The following CLCN4 variants were observed in gnomAD, a reference collection of about 807,000 sequenced individuals.
The protein encoded by CLCN4 is Cl-/H+ antiporter 4.
A neutral mutation model predicts 41.7 loss-of-function variants in CLCN4; 1 was observed. The observed-to-expected ratio is 0.02, with a 90% CI of 0.01 to 0.11. The LOEUF is 0.11. Ranked by LOEUF, CLCN4 falls within the 10% of genes least tolerant of loss-of-function variation. The pLI, the probability that CLCN4 is intolerant of heterozygous loss-of-function variation, is 1.00. For synonymous variants in CLCN4, 277 were observed against 285.8 expected (o/e 0.97, Z 0.31); for missense variants, 287 against 661.0 (o/e 0.43, Z 6.20).
At chrX:10,219,701 T>C (rs965087926) in intron 11 of CLCN4, among the ~76,000 whole-genome samples, 4 of 112,270 alleles carry the variant, frequency 3.6e-5, no homozygotes, top group African/African-American at 1.3e-4. Flanking sequence ...AGGTGAATAG[T>C]AGTCTTTGAG....
intron 12 of CLCN4, among the ~76,000 whole-genome samples, chrX:10,231,973 C>T (rs182169324): frequency 1.3e-3 from 142 of 112,096 alleles, no homozygotes; most frequent in Non-Finnish European, 2.3e-3. Context: ...ATCAAGTATT[C>T]CTCCCCATTT....
intron 2 of CLCN4, 88 bp downstream of exon 2, chrX:10,158,639 C>A (rs1240735509): frequency 3.2e-5 from 8 of 249,862 alleles, no homozygotes; most frequent in Non-Finnish European, 5.0e-5. Flanking sequence ...GGGCCTGCAG[C>A]CCGGCTGCGC....
chrX:10,195,478 A>T (rs925027026), intron 5 of CLCN4, among the ~76,000 whole-genome samples: 17 of 111,706 alleles, frequency 1.5e-4, no homozygotes, highest in Non-Finnish European at 3.8e-5. Flanking sequence ...GTTATCCTTT[A>T]AAAAAAACAG....
intron 5 of CLCN4, 104 bp from the exon 6 acceptor site, chrX:10,197,835 C>G: frequency 6.7e-6 from 7 of 1,046,628 alleles, no homozygotes; most frequent in Non-Finnish European, 9.2e-6. Context: ...CCTGCCCAAT[C>G]CCGTCAAAGC....
At chrX:10,214,218 G>A (rs1480872391) in intron 11 of CLCN4, 139 bp downstream of exon 11, 4 of 649,853 alleles carry the variant, frequency 6.2e-6, no homozygotes, top group Non-Finnish European at 8.9e-6. Flanking sequence ...GGGTCACCCA[G>A]GGGTCTGGCT....
At chrX:10,167,303 C>A (rs1017019787) in intron 2 of CLCN4, among the ~76,000 whole-genome samples, 1 of 111,654 alleles carries the variant, frequency 9.0e-6, no homozygotes, top group African/African-American at 3.3e-5. Context: ...TGAGTCCTGG[C>A]CACCTCATCA....
intron 6 of CLCN4, among the ~76,000 whole-genome samples, chrX:10,198,890 G>C (rs1052964474): frequency 8.9e-6 from 1 of 112,301 alleles, no homozygotes; most frequent in Non-Finnish European, 1.9e-5. Context: ...GATGCACACA[G>C]GCAGTGGGCT....
Position 10,158,394 on chromosome X carries a change from C to G in CLCN4, c.-169C>G, listed in dbSNP as rs112523997. On this transcript the variant is annotated 5_prime_UTR_variant, in exon 2 of 13. Transcript: ENST00000380833. ...CGGGACTTCCAGGGTCTTCCCCCCA[C>G]CCCGCGCACACCTCCCTGCCTCGCC... 260 of 296,326 alleles carry G rather than the reference C, an allele frequency of 8.8e-4. 1 individual carries two copies. Among genetic ancestry groups the G allele is most frequent in the African/African-American group, 6.2e-3 (230 of 36,830 alleles). 24.4% of individuals were successfully genotyped at this position (296,326 alleles called of 1,213,427 possible).
At chrX:10,212,263 T>C (rs1924576608) in intron 9 of CLCN4, among the ~76,000 whole-genome samples, 1 of 111,900 alleles carries the variant, frequency 8.9e-6, no homozygotes, top group South Asian at 3.8e-4. Context: ...TTGCGTCCTC[T>C]CTAAGTTGCA....
At chrX:10,167,874 A>G (rs768543003) in intron 2 of CLCN4, among the ~76,000 whole-genome samples, 6 of 112,630 alleles carry the variant, frequency 5.3e-5, no homozygotes, top group African/African-American at 1.3e-4. Context: ...AACTGAAATG[A>G]CTAGTAATGG....
At chrX:10,211,296 A>G (rs1430994007) in intron 9 of CLCN4, among the ~76,000 whole-genome samples, 1 of 108,734 alleles carries the variant, frequency 9.2e-6, no homozygotes, top group African/African-American at 3.3e-5. Context: ...AAAGAAAAAA[A>G]TTCTAAGAAG....
chrX:10,202,863 A>G (rs1924277580), intron 6 of CLCN4, among the ~76,000 whole-genome samples: 1 of 110,774 alleles, frequency 9.0e-6, no homozygotes, highest in Non-Finnish European at 1.9e-5. Flanking sequence ...CACTCTTACA[A>G]ATATTTATTT....
chrX:10,200,909 T>C (rs776781561), intron 6 of CLCN4, among the ~76,000 whole-genome samples: 3 of 111,564 alleles, frequency 2.7e-5, no homozygotes, highest in Admixed American at 9.5e-5. Flanking sequence ...GACTGGTCTC[T>C]AACTCCTGGG....
intron 6 of CLCN4, among the ~76,000 whole-genome samples, chrX:10,199,575 C>T (rs1424622641): frequency 9.0e-6 from 1 of 111,005 alleles, no homozygotes; most frequent in Non-Finnish European, 1.9e-5. Context: ...ATGTTTGACT[C>T]GTGTATTTTG....
intron 4 of CLCN4, 78 bp downstream of exon 4, chrX:10,187,692 T>A: frequency 1.3e-6 from 1 of 788,645 alleles, no homozygotes; most frequent in Non-Finnish European, 1.9e-6. Context: ...TCTGGGAGAT[T>A]TGGAATATAG....
chrX:10,157,530 T>C (rs111408419), intron 1 of CLCN4, among the ~76,000 whole-genome samples: 2,479 of 112,963 alleles, frequency 0.022, 53 homozygotes, highest in African/African-American at 0.061. Flanking sequence ...AACGCTTGTG[T>C]ATTTTGGCAA....
chrX:10,215,925 T>C (rs1924692783), intron 11 of CLCN4, among the ~76,000 whole-genome samples: 1 of 112,193 alleles, frequency 8.9e-6, no homozygotes, highest in African/African-American at 3.2e-5. Context: ...GCTATTTACA[T>C]GGTTTGTGCA....
chrX:10,174,657 C>T (rs754946943), intron 2 of CLCN4, among the ~76,000 whole-genome samples: 2 of 111,741 alleles, frequency 1.8e-5, no homozygotes, highest in South Asian at 3.7e-4. Flanking sequence ...ATTCCCCCCA[C>T]CCTGTGCCCT....
chrX:10,177,030 C>A (rs999082859), intron 2 of CLCN4, among the ~76,000 whole-genome samples: 5 of 112,690 alleles, frequency 4.4e-5, no homozygotes, highest in Non-Finnish European at 9.4e-5. Flanking sequence ...CGGCCAAGTT[C>A]GTGATCCTGT....
Sources: gnomAD v4.1 joint callset for allele counts (sites outside exome capture counted in the v4.1 genomes callset) on GRCh38, gnomAD v4.1.1 for gene constraint, MANE v1.5 for transcripts, NCBI Gene and HGNC (gene_info 2026-07-23, HGNC 2026-07-21) for gene names.